The following UNC5D variants were observed in gnomAD, a reference collection of about 807,000 sequenced individuals.
The protein encoded by UNC5D is unc-5 netrin receptor D.
UNC5D carries 39 observed loss-of-function variants against 105.4 expected under a neutral mutation model. That is an observed-to-expected ratio of 0.37 (90% CI 0.29 to 0.48). The LOEUF (loss-of-function observed/expected upper bound fraction) is 0.48, where lower values mean the gene tolerates loss of function less well. UNC5D is among the 20% of genes least tolerant of loss of function. UNC5D has a pLI of 0.98. For synonymous variants in UNC5D, 452 were observed against 450.4 expected (o/e 1.00, Z -0.04); for missense variants, 991 against 1,202.4 (o/e 0.82, Z 2.60).
At chr8:35,684,860 A>G in intron 6 of UNC5D, 111 bp downstream of exon 6, 1 of 1,339,390 alleles carries the variant, frequency 7.5e-7, no homozygotes, top group Non-Finnish European at 1.0e-6. Context: ...CCAAGTTCTT[A>G]GAATAGAACA....
chr8:35,637,085 A>G (rs976681901), intron 4 of UNC5D, among the ~76,000 whole-genome samples: 67 of 152,166 alleles, frequency 4.4e-4, no homozygotes, highest in African/African-American at 1.6e-3. Flanking sequence ...ACATAGTACA[A>G]TTCATTGCTA....
At chr8:35,288,035 T>A (rs2950908) in intron 1 of UNC5D, among the ~76,000 whole-genome samples, 2 of 151,856 alleles carry the variant, frequency 1.3e-5, no homozygotes, top group Non-Finnish European at 2.9e-5. Flanking sequence ...GCAAAAGGCT[T>A]AGACAGCATA....
At chr8:35,779,454 T>C (rs927205757) in intron 16 of UNC5D, among the ~76,000 whole-genome samples, 3 of 152,172 alleles carry the variant, frequency 2.0e-5, no homozygotes, top group African/African-American at 7.2e-5. Context: ...GGAGAGTGGC[T>C]TTTTTGTTTG....
At chr8:35,700,765 A>C (rs1436878782) in intron 7 of UNC5D, among the ~76,000 whole-genome samples, 1 of 152,166 alleles carries the variant, frequency 6.6e-6, no homozygotes, top group Non-Finnish European at 1.5e-5. Flanking sequence ...GCATGGTGGG[A>C]CCAGAAATGC....
chr8:35,730,774 T>TA (rs60108920), intron 10 of UNC5D, among the ~76,000 whole-genome samples: 6,797 of 144,828 alleles, frequency 0.047, 146 homozygotes, highest in Non-Finnish European at 0.055. Context: ...TGACTTAAAA[T>TA]AAAAAAAAAA....
chr8:35,527,947 A>G (rs1005383217), intron 1 of UNC5D, among the ~76,000 whole-genome samples: 2 of 152,082 alleles, frequency 1.3e-5, no homozygotes, highest in African/African-American at 4.8e-5. Context: ...CAGAATTTCA[A>G]CATTTTAATT....
chr8:35,607,144 A>G lies in UNC5D; in HGVS notation c.570+11487A>G, dbSNP rs1036494132. Among the ~76,000 whole-genome samples, 6 of 152,310 alleles carry G rather than the reference A, an allele frequency of 3.9e-5. No individual in the cohort carries two copies. The South Asian group carries it at 1.2e-3, about 32-fold the overall frequency. On this transcript the variant is annotated intron_variant, in intron 4 of 16. Transcript: ENST00000404895. The stretch of plus-strand genomic sequence containing the variant: ...GGAGAGCAAGATATGAAAAACTTTC[A>G]GTGGCAGCGCAGTCCAATGTCAGTG...
intron 12 of UNC5D, among the ~76,000 whole-genome samples, chr8:35,749,554 T>C (rs1830164628): frequency 6.6e-6 from 1 of 152,206 alleles, no homozygotes. Flanking sequence ...CTACAATGGA[T>C]TACCTTTACC....
chr8:35,611,543 T>C (rs1820680780), intron 4 of UNC5D, among the ~76,000 whole-genome samples: 1 of 152,224 alleles, frequency 6.6e-6, no homozygotes, highest in Admixed American at 6.5e-5. Context: ...AGATAACTTA[T>C]AATAGGTCGC....
intron 1 of UNC5D, among the ~76,000 whole-genome samples, chr8:35,542,384 C>T (rs1158097505): frequency 6.6e-6 from 1 of 152,186 alleles, no homozygotes; most frequent in Non-Finnish European, 1.5e-5. Context: ...CCTGCTATGG[C>T]TTTCTGCTCT....
intron 1 of UNC5D, among the ~76,000 whole-genome samples, chr8:35,367,916 G>A (rs532640213): frequency 2.6e-5 from 4 of 152,108 alleles, no homozygotes; most frequent in East Asian, 3.9e-4. Context: ...TCTCTCCCTC[G>A]TTTGTTTCTC....
At chr8:35,680,851 T>A (rs1825610687) in intron 4 of UNC5D, among the ~76,000 whole-genome samples, 1 of 152,126 alleles carries the variant, frequency 6.6e-6, no homozygotes, top group Non-Finnish European at 1.5e-5. Flanking sequence ...AGGAGAAGCA[T>A]GAAAGAAGAG....
chr8:35,605,791 A>G (rs1395149387), intron 4 of UNC5D, among the ~76,000 whole-genome samples: 1 of 152,206 alleles, frequency 6.6e-6, no homozygotes, highest in Non-Finnish European at 1.5e-5. Context: ...TTTTAATAGT[A>G]AAGAGCACCT....
chr8:35,514,995 C>G (rs1813018486), intron 1 of UNC5D, among the ~76,000 whole-genome samples: 1 of 152,164 alleles, frequency 6.6e-6, no homozygotes, highest in South Asian at 2.1e-4. Flanking sequence ...AAACTACTAC[C>G]TGATATCAGA....
intron 1 of UNC5D, among the ~76,000 whole-genome samples, chr8:35,413,292 T>TGTGTGTGTGTTGTGTG (rs56157732): frequency 7.8e-5 from 10 of 127,978 alleles, no homozygotes; most frequent in Admixed American, 1.6e-4. Flanking sequence ...TGTGTGTGTG[T>TGTGTGTGTGTTGTGTG]TGTGTGTGTG....
At position 35,478,437 on chromosome 8, in the gene UNC5D, T is replaced by C. The variant is rs1431151785; in HGVS notation, c.104-70855T>C. 3.3e-5 allele frequency among the ~76,000 whole-genome samples: 5 copies of C among 152,310 alleles called. No homozygotes were observed. The East Asian group carries it at 7.7e-4, about 24-fold the overall frequency. ...TTTTCTTCATAAAAAGGTTGTGACA[T>C]TGTACATTAATATCCTAGATGAAAA... On this transcript the variant is annotated intron_variant, in intron 1 of 16. Transcript: ENST00000404895.
At chr8:35,402,464 C>T (rs1804532269) in intron 1 of UNC5D, among the ~76,000 whole-genome samples, 1 of 152,008 alleles carries the variant, frequency 6.6e-6, no homozygotes, top group South Asian at 2.1e-4. Flanking sequence ...ATTGAATTAT[C>T]TCGCACTGGG....
Position 35,245,006 on chromosome 8 carries a change from G to C in UNC5D, c.103+9119G>C, listed in dbSNP as rs550844244. Among the ~76,000 whole-genome samples the C allele has an allele frequency of 3.3e-5, 5 of 152,194 alleles. No homozygotes were observed. In the East Asian group the frequency reaches 9.7e-4, roughly 29 times the overall value. On this transcript the variant is annotated intron_variant, in intron 1 of 16. Transcript: ENST00000404895. ...ATTCCTGGAGACAGAGCAAGACCCT[G>C]TCCCTCCAAAAAAATTAATTAATTA...
chr8:35,695,230 G>A (rs1243488749), intron 7 of UNC5D, among the ~76,000 whole-genome samples: 1 of 152,248 alleles, frequency 6.6e-6, no homozygotes, highest in Admixed American at 6.5e-5. Context: ...CTGATAAGTA[G>A]CTGAATGAAC....
Sources: allele counts gnomAD v4.1 joint callset (sites outside exome capture counted in the v4.1 genomes callset), GRCh38; gene constraint gnomAD v4.1.1; transcripts MANE v1.5; gene names NCBI Gene and HGNC (gene_info 2026-07-23, HGNC 2026-07-21).